SNX14: variants seen among roughly 807,000 people sequenced by gnomAD.
The protein encoded by SNX14 is sorting nexin-14.
In SNX14, 93 loss-of-function variants were observed where a neutral mutation model predicts 133.8. The ratio of observed to expected loss-of-function variants is 0.70; its 90% CI spans 0.59 to 0.83. The LOEUF is 0.83. SNX14 is among the 40% of genes least tolerant of loss of function. The pLI, the probability that SNX14 is intolerant of heterozygous loss-of-function variation, is 0.00. For missense variants in SNX14, 945 were observed against 1,094.9 expected, an observed-to-expected ratio of 0.86 and a Z score of 1.93; for synonymous variants, 368 against 365.6, an observed-to-expected ratio of 1.01 and a Z score of -0.07.
At chr6:85,559,655 G>T (rs1205108049) in intron 6 of SNX14, among the ~76,000 whole-genome samples, 2 of 152,152 alleles carry the variant, frequency 1.3e-5, no homozygotes, top group Non-Finnish European at 2.9e-5. Context: ...TCTATAAAAT[G>T]AATATAATAA....
chr6:85,585,024 A>C (rs1800228409), intron 1 of SNX14, among the ~76,000 whole-genome samples: 2 of 152,006 alleles, frequency 1.3e-5, no homozygotes, highest in South Asian at 4.1e-4. Flanking sequence ...GATAGACTGG[A>C]AATACTATCA....
At chr6:85,551,063 G>A (rs1003499209) in intron 7 of SNX14, among the ~76,000 whole-genome samples, 3 of 152,190 alleles carry the variant, frequency 2.0e-5, no homozygotes, top group Non-Finnish European at 4.4e-5. Flanking sequence ...TTACAGGCAT[G>A]AGCCACTGCG....
intron 26 of SNX14, 194 bp from the exon 27 acceptor site, chr6:85,508,253 T>A (rs1441338724): frequency 8.2e-7 from 1 of 1,212,930 alleles, no homozygotes; most frequent in Non-Finnish European, 1.0e-6. Context: ...AAATGCAGTA[T>A]CATGTATCCC....
chr6:85,553,180 G>A (rs1341130180), intron 7 of SNX14, among the ~76,000 whole-genome samples: 1 of 152,026 alleles, frequency 6.6e-6, no homozygotes, highest in Non-Finnish European at 1.5e-5. Context: ...CTTTTTTTCT[G>A]CACACTGGGC....
chr6:85,546,845 C>T (rs916911714), intron 12 of SNX14, among the ~76,000 whole-genome samples: 19 of 151,656 alleles, frequency 1.3e-4, no homozygotes, highest in African/African-American at 4.1e-4. Context: ...CCTGTAATCC[C>T]AGCTACTTGG....
chr6:85,573,466 CA>C (rs1796321887), intron 2 of SNX14, among the ~76,000 whole-genome samples: 1 of 152,084 alleles, frequency 6.6e-6, no homozygotes, highest in Non-Finnish European at 1.5e-5. Context: ...GGTGACAGAG[CA>C]AGACTCCATG....
chr6:85,540,996 C>CT (rs748469763), intron 15 of SNX14, among the ~76,000 whole-genome samples: 3,197 of 138,078 alleles, frequency 0.023, 96 homozygotes, highest in African/African-American at 0.074. Flanking sequence ...AGTTTCTTAA[C>CT]TTTTTTTTTT....
chr6:85,521,826 C>T (rs1475742633), intron 21 of SNX14, among the ~76,000 whole-genome samples: 2 of 152,196 alleles, frequency 1.3e-5, no homozygotes, highest in African/African-American at 4.8e-5. Context: ...AGACTAAAGT[C>T]GAGAAGCATC....
At chr6:85,589,357 A>G (rs546907258) in intron 1 of SNX14, 13 of 155,966 alleles carry the variant, frequency 8.3e-5, no homozygotes, top group Non-Finnish European at 1.7e-4. Context: ...TGTAGCTGGG[A>G]CTACAGACGT....
chr6:85,536,209 C>G (rs937646861), intron 17 of SNX14, among the ~76,000 whole-genome samples: 3 of 151,992 alleles, frequency 2.0e-5, no homozygotes, highest in African/African-American at 7.2e-5. Flanking sequence ...GGTCAATACA[C>G]AAATGAAGGG....
intron 20 of SNX14, among the ~76,000 whole-genome samples, chr6:85,526,937 T>C (rs931745861): frequency 6.6e-6 from 1 of 151,978 alleles, no homozygotes; most frequent in Non-Finnish European, 1.5e-5. Context: ...GGAGTGGCAG[T>C]GGGTGCCTGT....
At chr6:85,529,423 T>C (rs1440715454) in intron 19 of SNX14, among the ~76,000 whole-genome samples, 1 of 152,070 alleles carries the variant, frequency 6.6e-6, no homozygotes, top group African/African-American at 2.4e-5. Context: ...GAAGCAAGCA[T>C]GAATGTGCTT....
intron 15 of SNX14, among the ~76,000 whole-genome samples, chr6:85,539,140 AAAATT>A (rs1782821837): frequency 6.6e-6 from 1 of 152,336 alleles, no homozygotes; most frequent in South Asian, 2.1e-4. Flanking sequence ...GACATGGAAA[AAAATT>A]AAATATATCA....
intron 12 of SNX14, among the ~76,000 whole-genome samples, chr6:85,546,478 A>G (rs886627271): frequency 6.6e-6 from 1 of 152,208 alleles, no homozygotes; most frequent in Non-Finnish European, 1.5e-5. Flanking sequence ...AGTCAAAACA[A>G]TCCTTTACAA....
At position 85,593,585 on chromosome 6, in the gene SNX14, A is replaced by G; in HGVS notation, c.134T>C (p.Leu45Pro). The G allele has an allele frequency of 6.2e-7, 1 of 1,611,138 alleles. No individual in the cohort carries two copies. The highest frequency in any genetic ancestry group is 8.5e-7 in the Non-Finnish European group (1 of 1,179,016). The change falls in exon 1 of 29, where the codon CTT (leucine) becomes CCT (proline). Residue 45 changes from leucine (L) to proline (P), a missense_variant. Physicochemically the swap from Leu to Pro is moderately conservative, Grantham distance 98. This residue lies in a region of SNX14 where 514 missense variants were observed against 538.8 expected (regional missense o/e 0.95). Coordinates refer to ENST00000314673, the MANE Select transcript of SNX14 (RefSeq NM_153816.6). ...CTCCGCGCTGCGGCGTTACCTGTTA[A>G]GAAGCAGGGAGGCGGCGCTGAGACA... The part of the protein sequence containing the change: ...LLCLSAASLL[L>P]NRYIHILMIF...
chr6:85,536,886 C>G lies in SNX14; in HGVS notation c.1514G>C (p.Arg505Thr), dbSNP rs766341984. The G allele has an allele frequency of 9.9e-6, 16 of 1,613,248 alleles. No homozygotes were observed. The highest frequency in any genetic ancestry group is 1.4e-5 in the Non-Finnish European group (16 of 1,179,652). Residue 505 changes from arginine (R) to threonine (T), a missense_variant, in exon 17 of 29, where the codon AGA (arginine) becomes ACA (threonine). Physicochemically the swap from Arg to Thr is moderately conservative, Grantham distance 71. Coordinates refer to ENST00000314673, the MANE Select transcript of SNX14 (RefSeq NM_153816.6). ...QKRGESFGISRIGSKIKGVFK... is the reference protein window; with the variant it reads ...QKRGESFGISTIGSKIKGVFK... ...TACTCCTTTAATTTTGCTACCTATT[C>G]TGCTGATTCCAAATGATTCTCCCCT... is the stretch of plus-strand genomic sequence containing the variant.
Position 85,505,877 on chromosome 6 carries a change from T to C in SNX14, c.*90A>G. On this transcript the variant is annotated 3_prime_UTR_variant, in exon 29 of 29. Coordinates refer to ENST00000314673, the MANE Select transcript of SNX14 (RefSeq NM_153816.6). ...AAATTTCAGACAGCGATGTACATAA[T>C]ATATATAAGAATATACCCAAAAAAG... 1.2e-6 allele frequency: 1 copy of C among 819,492 alleles called. No individual in the cohort carries two copies. The highest frequency in any genetic ancestry group is 2.1e-6 in the Non-Finnish European group (1 of 482,492). The allele number at this position is 819,492 out of a possible 1,614,324, so 50.8% of individuals were successfully genotyped here.
At chr6:85,526,298 G>T in intron 20 of SNX14, 61 bp from the exon 21 acceptor site, 2 of 992,874 alleles carry the variant, frequency 2.0e-6, no homozygotes, top group Non-Finnish European at 1.5e-6. Context: ...AGTCAAAACT[G>T]TATTTTAATT....
At chr6:85,531,640 T>C (rs1277214656) in intron 18 of SNX14, among the ~76,000 whole-genome samples, 2 of 152,248 alleles carry the variant, frequency 1.3e-5, no homozygotes, top group Non-Finnish European at 2.9e-5. Context: ...CTAAATGATA[T>C]ACTTTTTTTC....
Sources: gnomAD v4.1 joint callset for allele counts (sites outside exome capture counted in the v4.1 genomes callset) on GRCh38, gnomAD v4.1.1 for gene constraint, gnomAD v4.1.1 regional missense constraint, MANE v1.5 for transcripts, NCBI Gene and HGNC (gene_info 2026-07-23, HGNC 2026-07-21) for gene names.